Variants in HEXB observed in about 807,000 individuals in gnomAD.
HEXB encodes beta-hexosaminidase subunit beta.
Under a neutral mutation model 71.2 loss-of-function variants are expected in HEXB, and 51 were observed. That is an observed-to-expected ratio of 0.72 (90% CI 0.57 to 0.90). The LOEUF is 0.90. HEXB is among the 40% of genes least tolerant of loss of function. HEXB has a pLI of 0.00. For synonymous variants in HEXB, 266 were observed against 249.3 expected (o/e 1.07, Z -0.63); for missense variants, 617 against 677.0 (o/e 0.91, Z 0.98).
At chr5:74,655,886 C>G (rs1748209369) in intron 1 of HEXB, among the ~76,000 whole-genome samples, 1 of 152,108 alleles carries the variant, frequency 6.6e-6, no homozygotes, top group African/African-American at 2.4e-5. Flanking sequence ...ATACAGCTGT[C>G]AGTAGCAAAT....
chr5:74,697,067 C>A lies in HEXB; in HGVS notation c.630C>A (p.Ser210=). ...FSHRGILIDT[S]RHYLPVKIIL... ...ACAGAGGAATTTTGATTGATACATC[C>A]AGACATTATCTGCCAGTTAAGATTA... The change falls in exon 5 of 14, where the codon TCC becomes TCA. Residue 210 remains serine (S), a synonymous_variant. Coordinates refer to ENST00000261416, the MANE Select transcript of HEXB (RefSeq NM_000521.4). The A allele has an allele frequency of 6.4e-7, 1 of 1,553,948 alleles. No homozygotes were observed. Among genetic ancestry groups the A allele is most frequent in the Non-Finnish European group, 8.9e-7 (1 of 1,125,878 alleles).
intron 5 of HEXB, among the ~76,000 whole-genome samples, chr5:74,703,908 G>A (rs1269357292): frequency 6.6e-6 from 1 of 152,096 alleles, no homozygotes; most frequent in Non-Finnish European, 1.5e-5. Context: ...CAAACTCCTG[G>A]GCCCAAGTGA....
upstream of HEXB, among the ~76,000 whole-genome samples, chr5:74,681,362 A>C (rs1748735366): frequency 6.6e-6 from 1 of 152,138 alleles, no homozygotes; most frequent in African/African-American, 2.4e-5. Context: ...TGCACAGGAC[A>C]GCTCCCCAGA....
chr5:74,684,569 A>G (rs1748804112), upstream of HEXB, among the ~76,000 whole-genome samples: 1 of 152,190 alleles, frequency 6.6e-6, no homozygotes, highest in African/African-American at 2.4e-5. Flanking sequence ...AGCTTCACCG[A>G]AGCCAGGGAT....
At chr5:74,681,306 C>T (rs1385168476), upstream of HEXB, among the ~76,000 whole-genome samples, 2 of 152,136 alleles carry the variant, frequency 1.3e-5, no homozygotes, top group African/African-American at 4.8e-5. Flanking sequence ...GGTGGTGCTA[C>T]TGACGACCAG....
chr5:74,698,432 G>T (rs550816873), intron 5 of HEXB, among the ~76,000 whole-genome samples: 3 of 142,950 alleles, frequency 2.1e-5, no homozygotes, highest in South Asian at 4.4e-4. Context: ...TTGCTCTGTC[G>T]CCAGGCTGGA....
At chr5:74,719,266 A>T (rs1210999782) in intron 11 of HEXB, among the ~76,000 whole-genome samples, 1 of 151,848 alleles carries the variant, frequency 6.6e-6, no homozygotes, top group Non-Finnish European at 1.5e-5. Context: ...ATGGCTCCTC[A>T]CTCTCTACAT....
intron 6 of HEXB, among the ~76,000 whole-genome samples, chr5:74,707,706 G>A (rs1321564041): frequency 4.6e-5 from 7 of 151,726 alleles, no homozygotes; most frequent in Non-Finnish European, 1.0e-4. Context: ...AAGATGAAAT[G>A]AATGAAATGA....
intron 7 of HEXB, among the ~76,000 whole-genome samples, chr5:74,714,841 G>A (rs1749634423): frequency 6.6e-6 from 1 of 152,178 alleles, no homozygotes; most frequent in Non-Finnish European, 1.5e-5. Flanking sequence ...CGGGCCTTTG[G>A]TGAGGAATGT....
intron 1 of HEXB, among the ~76,000 whole-genome samples, chr5:74,663,948 G>A (rs58501222): frequency 0.27 from 40,606 of 151,636 alleles, 5,564 homozygotes; most frequent in Non-Finnish European, 0.29. Context: ...CAACATAGTG[G>A]GATCCTGTAT....
At chr5:74,653,414 G>T (rs771310760) in intron 1 of HEXB, among the ~76,000 whole-genome samples, 1 of 152,128 alleles carries the variant, frequency 6.6e-6, no homozygotes. Flanking sequence ...AAGTAGCAGG[G>T]AATCGCTTTC....
chr5:74,688,815 T>C (rs1748930433), intron 1 of HEXB, among the ~76,000 whole-genome samples: 1 of 152,226 alleles, frequency 6.6e-6, no homozygotes, highest in Non-Finnish European at 1.5e-5. Context: ...GGGATGAATT[T>C]AGGGCAAGTT....
At chr5:74,697,439 T>C (rs986137321) in intron 5 of HEXB, among the ~76,000 whole-genome samples, 7 of 152,152 alleles carry the variant, frequency 4.6e-5, no homozygotes, top group Non-Finnish European at 7.4e-5. Flanking sequence ...TAGGAATACA[T>C]GGCCACCCAG....
At chr5:74,695,290 G>A (rs144404665) in intron 3 of HEXB, among the ~76,000 whole-genome samples, 308 of 137,590 alleles carry the variant, frequency 2.2e-3, no homozygotes, top group Middle Eastern at 0.012. Context: ...TGCAAGCTCC[G>A]CCTCATGGGT....
chr5:74,713,459 C>G (rs753161685), intron 6 of HEXB, 47 bp from the exon 7 acceptor site: 33 of 1,586,880 alleles, frequency 2.1e-5, no homozygotes, highest in Non-Finnish European at 2.8e-5. Context: ...TTTCCAGGAT[C>G]AAATCTACGT....
upstream of HEXB, chr5:74,685,177 G>T: frequency 7.3e-7 from 1 of 1,372,866 alleles, no homozygotes. Flanking sequence ...ACCCGCGGCC[G>T]CGCTTCCTCT....
chr5:74,666,232 G>A (rs1748429236), intron 1 of HEXB, among the ~76,000 whole-genome samples: 1 of 152,226 alleles, frequency 6.6e-6, no homozygotes, highest in African/African-American at 2.4e-5. Context: ...GAGGAAGGCT[G>A]TCATCTCAAT....
chr5:74,670,007 G>A (rs1001593175), intron 1 of HEXB, among the ~76,000 whole-genome samples: 1 of 152,160 alleles, frequency 6.6e-6, no homozygotes, highest in African/African-American at 2.4e-5. Context: ...GCAGACAGGG[G>A]TGGGTCCCCA....
chr5:74,664,430 T>TAAAAAA (rs397998152), intron 1 of HEXB, among the ~76,000 whole-genome samples: 6 of 79,660 alleles, frequency 7.5e-5, no homozygotes, highest in Admixed American at 2.8e-4. Flanking sequence ...ATTCTATCTC[T>TAAAAAA]AAAAAAAAAA....
Sources: allele counts gnomAD v4.1 joint callset (sites outside exome capture counted in the v4.1 genomes callset), GRCh38; gene constraint gnomAD v4.1.1; transcripts MANE v1.5; gene names NCBI Gene and HGNC (gene_info 2026-07-23, HGNC 2026-07-21).